SHCBP1L: variants seen among roughly 807,000 people sequenced by gnomAD.
SHCBP1L encodes the protein testicular spindle-associated protein SHCBP1L.
A neutral mutation model predicts 62.5 loss-of-function variants in SHCBP1L; 67 were observed. The ratio of observed to expected loss-of-function variants is 1.07; its 90% confidence interval spans 0.88 to 1.31. SHCBP1L has a LOEUF of 1.31. Among genes scored for constraint, SHCBP1L ranks in the 40% most tolerant of loss-of-function variants. SHCBP1L has a pLI of 0.00. For missense variants in SHCBP1L, 823 were observed against 809.8 expected, an observed-to-expected ratio of 1.02 and a Z score of -0.20; for synonymous variants, 284 against 289.4, an observed-to-expected ratio of 0.98 and a Z score of 0.19.
At chr1:182,918,041 A>G (rs1217408719) in intron 6 of SHCBP1L, among the ~76,000 whole-genome samples, 1 of 150,122 alleles carries the variant, frequency 6.7e-6, no homozygotes, top group African/African-American at 2.4e-5. Context: ...AGATGACATG[A>G]CCCTATATAT....
chr1:182,942,334 C>A, intron 2 of SHCBP1L: 1 of 802,470 alleles, frequency 1.2e-6, no homozygotes, highest in Non-Finnish European at 2.3e-6. Flanking sequence ...TAGCTGACAA[C>A]CGCCCCGATC....
intron 1 of SHCBP1L, chr1:182,952,120 A>G (rs1378991965): frequency 7.8e-6 from 1 of 128,878 alleles, no homozygotes; most frequent in Non-Finnish European, 1.6e-5. Flanking sequence ...GCCCCACTGC[A>G]TTCCGGCATG....
At chr1:182,930,733 T>TA (rs1650970466) in intron 5 of SHCBP1L, among the ~76,000 whole-genome samples, 1 of 103,872 alleles carries the variant, frequency 9.6e-6, no homozygotes, top group East Asian at 2.5e-4. Flanking sequence ...ATGTATTTTT[T>TA]TTTTTTTTTT....
intron 5 of SHCBP1L, among the ~76,000 whole-genome samples, chr1:182,931,765 A>G (rs1253358387): frequency 3.9e-5 from 6 of 152,050 alleles, no homozygotes; most frequent in Non-Finnish European, 8.8e-5. Flanking sequence ...ATATTGACAC[A>G]TCATTATCAC....
chr1:182,934,192 G>T (rs1651095440), intron 5 of SHCBP1L, among the ~76,000 whole-genome samples: 1 of 151,866 alleles, frequency 6.6e-6, no homozygotes. Flanking sequence ...AAATTAATTG[G>T]GTAAATACCA....
intron 6 of SHCBP1L, among the ~76,000 whole-genome samples, chr1:182,925,991 A>C (rs1247875656): frequency 6.6e-6 from 1 of 152,190 alleles, no homozygotes. Flanking sequence ...ATTTATATGA[A>C]ATATCCAGAA....
intron 5 of SHCBP1L, among the ~76,000 whole-genome samples, chr1:182,932,991 T>G (rs1651058937): frequency 6.6e-6 from 1 of 152,108 alleles, no homozygotes; most frequent in Non-Finnish European, 1.5e-5. Context: ...CTGCAACCTC[T>G]GCCTCCCAGG....
At chr1:182,914,954 G>A (rs1571340872) in intron 6 of SHCBP1L, among the ~76,000 whole-genome samples, 1 of 151,872 alleles carries the variant, frequency 6.6e-6, no homozygotes, top group Non-Finnish European at 1.5e-5. Flanking sequence ...CGGATCATGA[G>A]GTCAGGAATT....
At chr1:182,939,097 T>C in intron 5 of SHCBP1L, 79 bp downstream of exon 5, 1 of 1,131,956 alleles carries the variant, frequency 8.8e-7, no homozygotes, top group South Asian at 1.5e-5. Flanking sequence ...AATCAGAACA[T>C]ATACCACAAA....
chr1:182,939,563 A>G lies in SHCBP1L; in HGVS notation c.771-10T>C, dbSNP rs1364301476. On this transcript the variant is annotated splice_polypyrimidine_tract_variant and intron_variant, in intron 3 of 9. Transcript: ENST00000367547. ...AAAGTCATAAAAAAACCTACGATAA[A>G]CCAAATTAAGATGACAGTAATCAAA... 1 of 1,582,034 alleles carries G rather than the reference A, an allele frequency of 6.3e-7. No homozygotes were observed. Among genetic ancestry groups the G allele is most frequent in the Non-Finnish European group, 8.6e-7 (1 of 1,166,190 alleles).
At position 182,910,444 on chromosome 1, in the gene SHCBP1L, C is replaced by T. The variant is rs1256390490; in HGVS notation, c.1183-4795G>A. On this transcript the variant is annotated intron_variant, in intron 6 of 9. Transcript: ENST00000367547. ...ACTATGGTTGTAAATTCTGACCTAT[C>T]TGGTAGTTCTCTGACAGACTGGCAA... Among the ~76,000 whole-genome samples the T allele has an allele frequency of 2.6e-5, 4 of 152,336 alleles. No individual in the cohort carries two copies. In the East Asian group the frequency reaches 7.7e-4, roughly 29 times the overall value.
intron 5 of SHCBP1L, among the ~76,000 whole-genome samples, chr1:182,932,778 A>G (rs1261277442): frequency 6.6e-6 from 1 of 152,218 alleles, no homozygotes; most frequent in African/African-American, 2.4e-5. Flanking sequence ...TACAGGCGTG[A>G]GCCATCCTGC....
chr1:182,923,855 G>A (rs1197937436), intron 6 of SHCBP1L, among the ~76,000 whole-genome samples: 2 of 152,026 alleles, frequency 1.3e-5, no homozygotes, highest in Non-Finnish European at 2.9e-5. Flanking sequence ...TTACCACTTC[G>A]ATTCAACACA....
rs566966971 is a variant in SHCBP1L, at chr1:182,942,091, T to C, written c.556-1548A>G. ...GGAGACAGGGACCACTGATAAGACA[T>C]GGTATATGGTATTAATCAGACTTGG... On this transcript the variant is annotated intron_variant, in intron 2 of 9. Coordinates refer to ENST00000367547, the MANE Select transcript of SHCBP1L (RefSeq NM_030933.4). The C allele has an allele frequency of 2.0e-4, 177 of 887,892 alleles. 3 individuals are homozygous for C. The highest frequency in any genetic ancestry group is 1.3e-3 in the South Asian group (97 of 75,804). The allele number at this position is 887,892 out of a possible 1,614,324, so 55.0% of individuals were successfully genotyped here. A position where few individuals can be genotyped will look rare whatever the true frequency, so the allele number is the denominator to read the frequency against.
At position 182,904,210 on chromosome 1, in the gene SHCBP1L, T is replaced by A. The variant is rs774451447; in HGVS notation, c.1557A>T (p.Thr519=). ...CGCCAGTTATTTCACTGTCTGTAAT[T>A]GTCAAAGCAGCCCCTGTAAGAACAC... The part of the protein sequence containing the change: ...GVCVLTGAAL[T]ITDSEITGAQ... Residue 519 remains threonine, a synonymous_variant, in exon 8 of 10, where the codon ACA becomes ACT. Transcript: ENST00000367547. 5 of 1,614,154 alleles carry A rather than the reference T, an allele frequency of 3.1e-6. No homozygotes were observed. In the Admixed American group the frequency reaches 8.3e-5, roughly 27 times the overall value.
At chr1:182,946,810 A>G (rs1651582218) in intron 2 of SHCBP1L, among the ~76,000 whole-genome samples, 1 of 152,038 alleles carries the variant, frequency 6.6e-6, no homozygotes, top group African/African-American at 2.4e-5. Flanking sequence ...GGATTTGATA[A>G]TTTCTATTTT....
At chr1:182,918,211 CACATATATATACACATATATATAT>C (rs1310476433) in intron 6 of SHCBP1L, among the ~76,000 whole-genome samples, 11 of 146,500 alleles carry the variant, frequency 7.5e-5, no homozygotes, top group East Asian at 2.0e-4. Context: ...CATATATATA[CACATATATATACACATATATATAT>C]ACATATATAT....
At chr1:182,939,082 A>G in intron 5 of SHCBP1L, 94 bp downstream of exon 5, 1 of 948,036 alleles carries the variant, frequency 1.1e-6, no homozygotes, top group Admixed American at 2.8e-5. Context: ...TTTATACTTC[A>G]CTTTAATCAG....
chr1:182,937,191 T>C (rs1234004029), intron 5 of SHCBP1L, among the ~76,000 whole-genome samples: 1 of 152,160 alleles, frequency 6.6e-6, no homozygotes, highest in Admixed American at 6.5e-5. Flanking sequence ...AGAACTTCCT[T>C]TAACCTTTCT....
Sources: allele counts gnomAD v4.1 joint callset (sites outside exome capture counted in the v4.1 genomes callset), GRCh38; gene constraint gnomAD v4.1.1; transcripts MANE v1.5; gene names NCBI Gene and HGNC (gene_info 2026-07-23, HGNC 2026-07-21).